The following CELF2 variants were observed in gnomAD, a reference collection of about 807,000 sequenced individuals.
CELF2 encodes the protein CUGBP Elav-like family member 2, also known as CUG triplet repeat RNA-binding protein 2.
Under a neutral mutation model 62.6 loss-of-function variants are expected in CELF2, and 8 were observed. The observed-to-expected ratio is 0.13, with a 90% CI of 0.07 to 0.23. The LOEUF is 0.23. Among genes scored for constraint, CELF2 ranks in the 10% least tolerant of loss-of-function variants. The pLI, the probability that CELF2 is intolerant of heterozygous loss-of-function variation, is 1.00. For missense variants in CELF2, 333 were observed against 671.0 expected (o/e 0.50, Z 5.56); for synonymous variants, 258 against 250.0 (o/e 1.03, Z -0.30).
chr10:10,522,194 A>G, the CELF2 span, among the ~76,000 whole-genome samples: 1 of 152,244 alleles, frequency 6.6e-6, no homozygotes, highest in Non-Finnish European at 1.5e-5. Context: ...GTTTGCAAAA[A>G]TACTTCGAAG....
the CELF2 span, among the ~76,000 whole-genome samples, chr10:10,750,550 ATTGGATTAAT>A: frequency 6.6e-6 from 1 of 152,260 alleles, no homozygotes; most frequent in Non-Finnish European, 1.5e-5. Context: ...TGAAATTCAC[ATTGGATTAAT>A]TTGGATTAAA....
At chr10:10,471,084 G>A in the CELF2 span, among the ~76,000 whole-genome samples, 1 of 150,736 alleles carries the variant, frequency 6.6e-6, no homozygotes, top group Non-Finnish European at 1.5e-5. Context: ...TTTCATTATT[G>A]CTGATTTTTA....
chr10:10,517,027 A>G, the CELF2 span, among the ~76,000 whole-genome samples: 1 of 152,192 alleles, frequency 6.6e-6, no homozygotes, highest in Admixed American at 6.5e-5. Context: ...TGTTGCAGCT[A>G]CTAGAAGAGC....
intron 1 of CELF2, among the ~76,000 whole-genome samples, chr10:10,903,236 T>C (rs72772032): frequency 0.019 from 2,913 of 152,304 alleles, 39 homozygotes; most frequent in Non-Finnish European, 0.027. Flanking sequence ...CCTGCAATAT[T>C]TGTGGGACAT....
At chr10:10,504,622 C>A in the CELF2 span, among the ~76,000 whole-genome samples, 1 of 152,144 alleles carries the variant, frequency 6.6e-6, no homozygotes, top group South Asian at 2.1e-4. Context: ...TTTTTTACCA[C>A]TACCCACCTC....
chr10:10,493,991 G>A, the CELF2 span, among the ~76,000 whole-genome samples: 77,155 of 152,034 alleles, frequency 0.51, 23,295 homozygotes, highest in Non-Finnish European at 0.69. Context: ...TCTCCCCGGT[G>A]ACCTCATGGT....
At chr10:10,635,244 T>C in the CELF2 span, among the ~76,000 whole-genome samples, 11 of 152,272 alleles carry the variant, frequency 7.2e-5, no homozygotes, top group African/African-American at 2.4e-4. Context: ...TTTAATTCAT[T>C]TATTATCCTG....
chr10:10,505,739 CT>C, the CELF2 span, among the ~76,000 whole-genome samples: 1 of 152,184 alleles, frequency 6.6e-6, no homozygotes, highest in African/African-American at 2.4e-5. Flanking sequence ...CAGATATTAA[CT>C]GTTAAAACAC....
intron 2 of CELF2, among the ~76,000 whole-genome samples, chr10:11,179,895 G>T (rs191907383): frequency 6.6e-6 from 1 of 152,272 alleles, no homozygotes; most frequent in East Asian, 1.9e-4. Flanking sequence ...CAAAGCTTAC[G>T]TGGTGTCAGG....
intron 2 of CELF2, among the ~76,000 whole-genome samples, chr10:10,987,193 T>C (rs545670075): frequency 3.3e-5 from 5 of 152,102 alleles, no homozygotes; most frequent in South Asian, 4.2e-4. Flanking sequence ...AGCAAAAGGA[T>C]TGATCATTTT....
the CELF2 span, among the ~76,000 whole-genome samples, chr10:10,656,918 TAA>T: frequency 0.5 from 63,004 of 124,798 alleles, 13,932 homozygotes; most frequent in South Asian, 0.73. Flanking sequence ...GTAGAATCAA[TAA>T]AAAAAAAAAA....
chr10:11,005,255 GGAGAGAGAGAGAGAGAGAGA>G (rs529664321), upstream of CELF2: 1 of 1,080,494 alleles, frequency 9.3e-7, no homozygotes, highest in Non-Finnish European at 1.2e-6. The surrounding 1 kb of genome is among the most constrained non-coding windows in gnomAD (Gnocchi z 4.3). Flanking sequence ...AGAGAGAGAG[GGAGAGAGAGAGAGAGAGAGA>G]GAGAGAGAGA....
At chr10:10,622,762 A>AT in the CELF2 span, among the ~76,000 whole-genome samples, 6 of 152,108 alleles carry the variant, frequency 3.9e-5, no homozygotes, top group Non-Finnish European at 8.8e-5. Context: ...AGGATGTGTG[A>AT]TTGTGGACCT....
At chr10:10,578,444 T>C in the CELF2 span, among the ~76,000 whole-genome samples, 1 of 152,202 alleles carries the variant, frequency 6.6e-6, no homozygotes, top group Non-Finnish European at 1.5e-5. Flanking sequence ...CCCATGCCTA[T>C]GTCCTGAATG....
chr10:11,258,656 G>C (rs1590014589), intron 5 of CELF2, among the ~76,000 whole-genome samples: 1 of 152,172 alleles, frequency 6.6e-6, no homozygotes, highest in East Asian at 1.9e-4. Flanking sequence ...TCGTCTGACT[G>C]CACTTCCCTG....
rs114955196 is a variant in CELF2 at position 11,059,917 on chromosome 10, C to T, written c.74+41754C>T. 1.9e-3 allele frequency among the ~76,000 whole-genome samples: 288 copies of T among 152,338 alleles called. 1 individual carries two copies. Among genetic ancestry groups the T allele is most frequent in the African/African-American group, 6.4e-3 (264 of 41,570 alleles). ...ATTAGGATAGGTTTCAACTTTCACA[C>T]GCTTAAGCTTAGCACAGAATAGATG... On this transcript the variant is annotated intron_variant, in intron 1 of 12. Coordinates refer to ENST00000633077, the MANE Select transcript of CELF2 (RefSeq NM_001326342.2).
At chr10:10,621,746 A>G in the CELF2 span, among the ~76,000 whole-genome samples, 1 of 152,220 alleles carries the variant, frequency 6.6e-6, no homozygotes, top group Non-Finnish European at 1.5e-5. Context: ...TAGAACAAAT[A>G]TATTTATTAA....
intron 1 of CELF2, among the ~76,000 whole-genome samples, chr10:11,123,059 C>T (rs1349066474): frequency 6.6e-6 from 1 of 151,706 alleles, no homozygotes; most frequent in Non-Finnish European, 1.5e-5. Context: ...ATACATTGTA[C>T]ATCCATAGTT....
At chr10:10,943,599 T>TTTTG (rs201482435) in intron 2 of CELF2, among the ~76,000 whole-genome samples, 2,559 of 152,142 alleles carry the variant, frequency 0.017, 82 homozygotes, top group African/African-American at 0.058. Context: ...CTTTTCTGTT[T>TTTTG]TTTGTTTGTT....
Sources: allele counts gnomAD v4.1 joint callset (sites outside exome capture counted in the v4.1 genomes callset), GRCh38; gene constraint gnomAD v4.1.1; non-coding constraint Gnocchi (gnomAD v3.1); transcripts MANE v1.5; gene names NCBI Gene and HGNC (gene_info 2026-07-23, HGNC 2026-07-21).